The following UGCG variants were observed in gnomAD, a reference collection of about 807,000 sequenced individuals.
UGCG encodes ceramide glucosyltransferase.
In UGCG, 10 loss-of-function variants were observed where a neutral mutation model predicts 49.5. That is an observed-to-expected ratio of 0.20 (90% confidence interval 0.12 to 0.34). The LOEUF is 0.34. UGCG is among the 10% of genes least tolerant of loss of function. UGCG has a pLI of 1.00. For missense variants in UGCG, 312 were observed against 483.7 expected (o/e 0.65, Z 3.33); for synonymous variants, 182 against 158.2 (o/e 1.15, Z -1.13).
At chr9:111,918,606 A>G (rs1279278663) in intron 2 of UGCG, among the ~76,000 whole-genome samples, 3 of 152,222 alleles carry the variant, frequency 2.0e-5, no homozygotes, top group Non-Finnish European at 4.4e-5. Flanking sequence ...GTTTTTAATT[A>G]AAAATTATGT....
intron 2 of UGCG, among the ~76,000 whole-genome samples, chr9:111,921,447 T>G (rs537572882): frequency 6.6e-6 from 1 of 152,042 alleles, no homozygotes; most frequent in South Asian, 2.1e-4. Context: ...GTCACGAGTT[T>G]GAGACCAGCC....
intron 2 of UGCG, among the ~76,000 whole-genome samples, chr9:111,918,948 A>C (rs536781276): frequency 5.1e-4 from 60 of 118,604 alleles, no homozygotes; most frequent in South Asian, 4.3e-3. Context: ...AAAAAACAAA[A>C]AAACAAAAAA....
At chr9:111,916,570 A>G (rs1455896866) in intron 2 of UGCG, among the ~76,000 whole-genome samples, 1 of 151,964 alleles carries the variant, frequency 6.6e-6, no homozygotes, top group South Asian at 2.1e-4. Context: ...CCCAGGCTCA[A>G]CCAGTCCTCC....
rs140106118 is a variant in UGCG, at chr9:111,907,928, C to T, written c.99-6677C>T. Among the ~76,000 whole-genome samples, 839 of 152,332 alleles carry T rather than the reference C, an allele frequency of 5.5e-3. 5 individuals carry two copies. Among genetic ancestry groups the T allele is most frequent in the Non-Finnish European group, 8.9e-3 (608 of 68,028 alleles). ...ACAGGCGTGAGCCACCGCACCCAGC[C>T]TACCTTATTTTCTGTGTCATAGGAA... On this transcript the variant is annotated intron_variant, in intron 1 of 8. Transcript: ENST00000374279.
chr9:111,928,079 A>G (rs117789077), intron 5 of UGCG, among the ~76,000 whole-genome samples: 1 of 152,184 alleles, frequency 6.6e-6, no homozygotes, highest in East Asian at 1.9e-4. Flanking sequence ...AAATATGTCA[A>G]CTTGCTCTTA....
At chr9:111,919,858 C>G (rs1364558597) in intron 2 of UGCG, among the ~76,000 whole-genome samples, 3 of 151,780 alleles carry the variant, frequency 2.0e-5, no homozygotes, top group Non-Finnish European at 4.4e-5. Flanking sequence ...TTAGAGCAAG[C>G]CTGGCTGAGC....
chr9:111,918,643 A>C (rs944264183), intron 2 of UGCG, among the ~76,000 whole-genome samples: 1 of 152,206 alleles, frequency 6.6e-6, no homozygotes, highest in Admixed American at 6.5e-5. Flanking sequence ...ATAAAAATTA[A>C]AACTTCAAGG....
chr9:111,897,546 A>G (rs1404756232), intron 1 of UGCG, among the ~76,000 whole-genome samples: 1 of 152,178 alleles, frequency 6.6e-6, no homozygotes, highest in Non-Finnish European at 1.5e-5. Flanking sequence ...GCGACTGCCC[A>G]GCCAGGCTAA....
rs1271659282 is a variant in UGCG at position 111,932,500 on chromosome 9, C to G, written c.1014+141C>G. ...TAGTCTCGGGTTTGAACATGACTTT[C>G]TCTAGTGGAATGTTGATGCAAAACT... On this transcript the variant is annotated intron_variant, in intron 8 of 8. Coordinates refer to ENST00000374279, the MANE Select transcript of UGCG (RefSeq NM_003358.3). 6.7e-6 allele frequency: 6 copies of G among 896,386 alleles called. No homozygotes were observed. In the East Asian group the frequency reaches 8.2e-5, roughly 12 times the overall value. 55.5% of individuals were successfully genotyped at this position (896,386 alleles called of 1,614,324 possible). A position where few individuals can be genotyped will look rare whatever the true frequency, so the allele number is the denominator to read the frequency against.
At chr9:111,919,618 C>T (rs538670423) in intron 2 of UGCG, among the ~76,000 whole-genome samples, 3 of 151,854 alleles carry the variant, frequency 2.0e-5, no homozygotes, top group East Asian at 1.9e-4. Flanking sequence ...AGTGAAACTC[C>T]GTCTCTACTA....
chr9:111,898,789 CTG>C (rs746614720), intron 1 of UGCG, among the ~76,000 whole-genome samples: 1 of 151,546 alleles, frequency 6.6e-6, no homozygotes, highest in Non-Finnish European at 1.5e-5. Context: ...TCCTTCCAAT[CTG>C]TGTGTGTGTG....
At chr9:111,929,001 A>G (rs1207941435) in intron 5 of UGCG, among the ~76,000 whole-genome samples, 4 of 152,020 alleles carry the variant, frequency 2.6e-5, no homozygotes, top group Non-Finnish European at 5.9e-5. Flanking sequence ...GCTAGCTACA[A>G]AAGGATGCAA....
intron 4 of UGCG, 97 bp downstream of exon 4, chr9:111,924,975 C>T (rs1252474190): frequency 3.5e-6 from 2 of 571,890 alleles, no homozygotes; most frequent in East Asian, 9.0e-5. Flanking sequence ...TTTTATTTGC[C>T]TAAAAGAGTA....
chr9:111,926,487 C>T lies in UGCG; in HGVS notation c.549C>T (p.Thr183=), dbSNP rs1589528395. ...YVADRQGFAA[T]LEQVYFGTSH... ...CAGACAGACAGGGCTTTGCTGCCACCTTAGAGCAGGTGAGTATGGTGGTTA... is the reference window on the plus strand; with the variant it reads ...CAGACAGACAGGGCTTTGCTGCCACTTTAGAGCAGGTGAGTATGGTGGTTA... Residue 183 remains threonine (T), a synonymous_variant, in exon 5 of 9, where the codon ACC becomes ACT. Transcript: ENST00000374279. The T allele has an allele frequency of 6.2e-7, 1 of 1,608,514 alleles. No homozygotes were observed. The highest frequency in any genetic ancestry group is 8.5e-7 in the Non-Finnish European group (1 of 1,176,574).
chr9:111,929,291 G>T, intron 5 of UGCG: 1 of 409,664 alleles, frequency 2.4e-6, no homozygotes, highest in Non-Finnish European at 4.3e-6. Context: ...TCTAAATTAA[G>T]TTTTATTTGG....
At chr9:111,910,782 G>C (rs1463756005) in intron 1 of UGCG, among the ~76,000 whole-genome samples, 4 of 152,104 alleles carry the variant, frequency 2.6e-5, no homozygotes, top group Admixed American at 6.6e-5. Context: ...GTCTCTCTCT[G>C]TTGCCCACGC....
chr9:111,912,029 G>GATATAT (rs60468274), intron 1 of UGCG, among the ~76,000 whole-genome samples: 4,282 of 64,652 alleles, frequency 0.066, 662 homozygotes, highest in East Asian at 0.16. Context: ...TATTCAACAG[G>GATATAT]ATATATATAT....
chr9:111,923,490 C>A (rs1468569990), intron 3 of UGCG, among the ~76,000 whole-genome samples: 8 of 151,882 alleles, frequency 5.3e-5, no homozygotes, highest in Admixed American at 3.9e-4. Context: ...GCTTAAAATG[C>A]AAATTTGAAA....
At chr9:111,912,806 C>A (rs150692327) in intron 1 of UGCG, among the ~76,000 whole-genome samples, 1 of 152,272 alleles carries the variant, frequency 6.6e-6, no homozygotes, top group African/African-American at 2.4e-5. Context: ...CCAGTATTTT[C>A]TGGTACTTGG....
Sources: gnomAD v4.1 joint callset for allele counts (sites outside exome capture counted in the v4.1 genomes callset) on GRCh38, gnomAD v4.1.1 for gene constraint, MANE v1.5 for transcripts, NCBI Gene and HGNC (gene_info 2026-07-23, HGNC 2026-07-21) for gene names.